The following SDC3 variants were observed in gnomAD, a reference collection of about 807,000 sequenced individuals.
SDC3 encodes the protein syndecan-3.
Under a neutral mutation model 24.4 loss-of-function variants are expected in SDC3, and 13 were observed. The observed-to-expected ratio is 0.53, with a 90% CI of 0.35 to 0.85. The LOEUF is 0.85. SDC3 is among the 40% of genes least tolerant of loss of function. SDC3 has a pLI of 0.01. For synonymous variants in SDC3, 295 were observed against 260.9 expected (o/e 1.13, Z -1.26); for missense variants, 571 against 584.5 (o/e 0.98, Z 0.24).
intron 1 of SDC3, among the ~76,000 whole-genome samples, chr1:30,905,339 ACTCT>A (rs1220745763): frequency 1.0e-4 from 2 of 19,456 alleles, no homozygotes; most frequent in East Asian, 1.6e-3. Context: ...CCCCATCCGT[ACTCT>A]CTCTCTCTCA....
chr1:30,884,974 A>T (rs1241298101), intron 1 of SDC3, among the ~76,000 whole-genome samples: 1 of 152,250 alleles, frequency 6.6e-6, no homozygotes, highest in African/African-American at 2.4e-5. Context: ...AAAGACATAA[A>T]TGTGTCATAG....
At position 30,905,110 on chromosome 1, in the gene SDC3, G is replaced by A. The variant is rs75836928; in HGVS notation, c.138+3339C>T. ...GGGAGATGGTTCACCCAAGAGCCTG[G>A]CCCAGAACAGCCCAGGGGCCCCCAA... On this transcript the variant is annotated intron_variant, in intron 1 of 4. Coordinates refer to ENST00000339394, the MANE Select transcript of SDC3 (RefSeq NM_014654.4). 5.7e-3 allele frequency among the ~76,000 whole-genome samples: 864 copies of A among 152,132 alleles called. 7 individuals are homozygous for A. Among genetic ancestry groups the A allele is most frequent in the East Asian group, 0.037 (191 of 5,178 alleles).
chr1:30,894,415 TG>T (rs1187766673), intron 1 of SDC3, among the ~76,000 whole-genome samples: 1 of 82,748 alleles, frequency 1.2e-5, no homozygotes, highest in South Asian at 4.4e-4. Flanking sequence ...AATGTGTGTG[TG>T]GGGGTGAGTG....
At chr1:30,894,382 G>A (rs568248521) in intron 1 of SDC3, among the ~76,000 whole-genome samples, 105 of 136,910 alleles carry the variant, frequency 7.7e-4, no homozygotes, top group Non-Finnish European at 1.3e-3. Flanking sequence ...GTGGGTGAGA[G>A]TGTGAGTGTG....
In SDC3 at chr1:30,876,615, G is replaced by C. The variant is rs1330945200; in HGVS notation, c.807C>G (p.Asp269Glu). The change falls in exon 3 of 5, where the codon GAC (aspartate) becomes GAG (glutamate). Residue 269 changes from aspartate (D) to glutamate (E), a missense_variant. Asp to Glu is a conservative substitution (Grantham distance 45). Transcript: ENST00000339394. Reference protein sequence around the residue: ...LPRPATTQEPDIPERSTLPLG... With the variant: ...LPRPATTQEPEIPERSTLPLG... ...GGGGCAGGGTGCTCCTCTCAGGGAT[G>C]TCAGGCTCCTGGGTGGTGGCCGGCC... 6.4e-7 allele frequency: 1 copy of C among 1,563,540 alleles called. No homozygotes were observed. The highest frequency in any genetic ancestry group is 1.4e-5 in the African/African-American group (1 of 73,342).
chr1:30,903,033 C>T (rs1480509072), intron 1 of SDC3, among the ~76,000 whole-genome samples: 1 of 152,220 alleles, frequency 6.6e-6, no homozygotes, highest in Non-Finnish European at 1.5e-5. Flanking sequence ...ATGGCAGCCA[C>T]GAGCCTGCCC....
At chr1:30,897,960 G>A (rs1436519661) in intron 1 of SDC3, among the ~76,000 whole-genome samples, 2 of 152,090 alleles carry the variant, frequency 1.3e-5, no homozygotes, top group Admixed American at 6.6e-5. Flanking sequence ...ACGACAAAAG[G>A]GCAGCACCCT....
intron 3 of SDC3, 31 bp from the exon 4 acceptor site, chr1:30,874,619 A>T: frequency 6.2e-7 from 1 of 1,601,960 alleles, no homozygotes; most frequent in Admixed American, 1.7e-5. Flanking sequence ...GCCCAGGACA[A>T]CCACACATGC....
chr1:30,907,357 T>C (rs1638539462), intron 1 of SDC3, among the ~76,000 whole-genome samples: 1 of 152,190 alleles, frequency 6.6e-6, no homozygotes, highest in African/African-American at 2.4e-5. Flanking sequence ...CAAGCATGGC[T>C]GCTACGGTCA....
rs954224372 is a variant in SDC3, at chr1:30,907,527, C to T, written c.138+922G>A. ...ACACACATTCATGGGTCCAAGCACA[C>T]GCCCACCAGAGGTCTTTCACACACA... On this transcript the variant is annotated intron_variant, in intron 1 of 4. Transcript: ENST00000339394. Among the ~76,000 whole-genome samples, 15 of 152,342 alleles carry T rather than the reference C, an allele frequency of 9.8e-5. No homozygotes were observed. The East Asian group carries it at 1.9e-3, about 20-fold the overall frequency.
intron 1 of SDC3, among the ~76,000 whole-genome samples, chr1:30,887,190 C>T (rs934828473): frequency 4.6e-5 from 7 of 152,052 alleles, no homozygotes; most frequent in Non-Finnish European, 1.5e-5. Flanking sequence ...CCCCTGCCCC[C>T]ACCATGACTC....
At position 30,870,049 on chromosome 1, in the gene SDC3, G is replaced by A. The variant is rs1424159569; in HGVS notation, c.*3162C>T. The A allele has an allele frequency of 2.5e-6, 1 of 397,596 alleles. No individual in the cohort carries two copies. The highest frequency in any genetic ancestry group is 4.4e-6 in the Non-Finnish European group (1 of 226,032). The allele number at this position is 397,596 out of a possible 1,614,324, so 24.6% of individuals were successfully genotyped here. A position where few individuals can be genotyped will look rare whatever the true frequency, so the allele number is the denominator to read the frequency against. ...AAGAGGCCTGGGGAGGCAAGTCCAG[G>A]GTTGTAGTTGTTGGGAGAAGAAATC... On this transcript the variant is annotated 3_prime_UTR_variant, in exon 5 of 5. Coordinates refer to ENST00000339394, the MANE Select transcript of SDC3 (RefSeq NM_014654.4).
rs1259460152 is a variant in SDC3 at position 30,876,644 on chromosome 1, G to C, written c.778C>G (p.Pro260Ala). 2.5e-6 allele frequency: 4 copies of C among 1,589,600 alleles called. No individual in the cohort carries two copies. The highest frequency in any genetic ancestry group is 3.4e-6 in the Non-Finnish European group (4 of 1,167,426). Residue 260 changes from proline (P) to alanine (A), a missense_variant, in exon 3 of 5, where the codon CCC becomes GCC. Physicochemically the swap from Pro to Ala is conservative, Grantham distance 27. Transcript: ENST00000339394. ...GGCTCCTGGGTGGTGGCCGGCCTGGGAAGGGCTCTTGGCCGGGAGGTAGCT... is the reference window on the plus strand; with the variant it reads ...GGCTCCTGGGTGGTGGCCGGCCTGGCAAGGGCTCTTGGCCGGGAGGTAGCT... ...STATSRPRALPRPATTQEPDI... is the reference protein window; with the variant it reads ...STATSRPRALARPATTQEPDI...
intron 1 of SDC3, among the ~76,000 whole-genome samples, chr1:30,885,742 C>T (rs1279354559): frequency 6.6e-6 from 1 of 152,242 alleles, no homozygotes; most frequent in Non-Finnish European, 1.5e-5. Context: ...TGGCGGCCAC[C>T]TTGGCCTGTG....
At chr1:30,873,805 G>A (rs952957746) in intron 4 of SDC3, among the ~76,000 whole-genome samples, 3 of 152,250 alleles carry the variant, frequency 2.0e-5, no homozygotes, top group Admixed American at 6.5e-5. Flanking sequence ...CCATTCTACC[G>A]ATGAAGAGAA....
chr1:30,896,352 G>T (rs1374439003), intron 1 of SDC3, among the ~76,000 whole-genome samples: 1 of 152,166 alleles, frequency 6.6e-6, no homozygotes, highest in Non-Finnish European at 1.5e-5. Flanking sequence ...ACCCTGAGGG[G>T]AACCAGACAC....
chr1:30,908,146 G>A (rs1392800353), intron 1 of SDC3, among the ~76,000 whole-genome samples: 3 of 151,968 alleles, frequency 2.0e-5, no homozygotes, highest in Admixed American at 2.0e-4. Flanking sequence ...GTTCCCTCCC[G>A]GGATTCCCTC....
chr1:30,874,244 G>C lies in SDC3; in HGVS notation c.1162+53C>G, dbSNP rs1053630681. On this transcript the variant is annotated intron_variant, in intron 4 of 4. Transcript: ENST00000339394. ...GAGGCAAACTGAGGCCCAGCCAGCT[G>C]TCTCACTCTGGTATCCTCCCAGGCT... is the stretch of plus-strand genomic sequence containing the variant. 19 of 1,457,504 alleles carry C rather than the reference G, an allele frequency of 1.3e-5. No individual in the cohort carries two copies. In the African/African-American group the frequency reaches 1.8e-4, roughly 14 times the overall value. 90.3% of individuals were successfully genotyped at this position (1,457,504 alleles called of 1,614,324 possible). A position where few individuals can be genotyped will look rare whatever the true frequency, so the allele number is the denominator to read the frequency against.
Position 30,873,249 on chromosome 1 carries a change from A to G in SDC3, c.1291T>C (p.Tyr431His). The G allele has an allele frequency of 6.2e-7, 1 of 1,613,808 alleles. No individual in the cohort carries two copies. Among genetic ancestry groups the G allele is most frequent in the Non-Finnish European group, 8.5e-7 (1 of 1,179,728 alleles). Reference sequence around the variant, plus strand: ...TCCTCCTGCTTGTCAGGCTTCTGGTATGTGACGCTCGCCTGCTTGGGTTCC... The same window carrying G: ...TCCTCCTGCTTGTCAGGCTTCTGGTGTGTGACGCTCGCCTGCTTGGGTTCC... ...LEEPKQASVT[Y>H]QKPDKQEEFY... Residue 431 changes from tyrosine to histidine, a missense_variant, in exon 5 of 5, where the codon TAC becomes CAC. Tyr to His is a moderately conservative substitution (Grantham distance 83). Coordinates refer to ENST00000339394, the MANE Select transcript of SDC3 (RefSeq NM_014654.4).
Sources: allele counts gnomAD v4.1 joint callset (sites outside exome capture counted in the v4.1 genomes callset), GRCh38; gene constraint gnomAD v4.1.1; transcripts MANE v1.5; gene names NCBI Gene and HGNC (gene_info 2026-07-23, HGNC 2026-07-21).